The following NDUFAF2 variants were observed in gnomAD, a reference collection of about 807,000 sequenced individuals.
The protein encoded by NDUFAF2 is NADH:ubiquinone oxidoreductase complex assembly factor 2.
NDUFAF2 carries 13 observed loss-of-function variants against 22.8 expected under a neutral mutation model. That is an observed-to-expected ratio of 0.57 (90% confidence interval 0.37 to 0.91). The LOEUF (loss-of-function observed/expected upper bound fraction) is 0.91. Among genes scored for constraint, NDUFAF2 ranks in the 40% least tolerant of loss-of-function variants. The probability of loss-of-function intolerance (pLI) is 0.01; values close to 1 mark genes in which losing one functional copy is unlikely to be tolerated. For synonymous variants in NDUFAF2, 53 were observed against 64.2 expected (o/e 0.83, Z 0.84); for missense variants, 162 against 195.2 (o/e 0.83, Z 1.01).
intron 2 of NDUFAF2, among the ~76,000 whole-genome samples, chr5:61,080,380 T>C (rs1752427405): frequency 6.6e-6 from 1 of 152,248 alleles, no homozygotes; most frequent in South Asian, 2.1e-4. Flanking sequence ...TCAATGTGGC[T>C]GTACCATTTT....
chr5:60,967,766 A>G (rs1750776801), intron 1 of NDUFAF2, among the ~76,000 whole-genome samples: 1 of 150,968 alleles, frequency 6.6e-6, no homozygotes, highest in South Asian at 2.1e-4. Flanking sequence ...GAGAGATTTT[A>G]TATCTATGCT....
At chr5:61,037,677 G>T (rs576904519) in intron 1 of NDUFAF2, among the ~76,000 whole-genome samples, 1 of 152,200 alleles carries the variant, frequency 6.6e-6, no homozygotes, top group Admixed American at 6.5e-5. Flanking sequence ...CTTGGTGAAA[G>T]AACCCATCCC....
intron 1 of NDUFAF2, among the ~76,000 whole-genome samples, chr5:60,977,260 T>C (rs1055143968): frequency 3.3e-5 from 5 of 151,792 alleles, no homozygotes; most frequent in African/African-American, 1.2e-4. Context: ...AGACCCCATC[T>C]CTACAAAAAA....
chr5:60,995,304 A>G (rs1053345221), intron 1 of NDUFAF2, among the ~76,000 whole-genome samples: 3 of 152,114 alleles, frequency 2.0e-5, no homozygotes, highest in Non-Finnish European at 4.4e-5. Context: ...CACTGTTTAG[A>G]CTTACTTTAG....
intron 3 of NDUFAF2, among the ~76,000 whole-genome samples, chr5:61,113,546 T>C (rs1752871966): frequency 6.6e-6 from 1 of 152,074 alleles, no homozygotes; most frequent in Non-Finnish European, 1.5e-5. Context: ...ATAGGGGTGG[T>C]TACCTCTGTG....
intron 2 of NDUFAF2, among the ~76,000 whole-genome samples, chr5:61,082,498 G>A (rs188087973): frequency 6.6e-6 from 1 of 152,154 alleles, no homozygotes; most frequent in East Asian, 1.9e-4. Context: ...CTGAGGTTTG[G>A]ACTTCAACTG....
intron 3 of NDUFAF2, among the ~76,000 whole-genome samples, chr5:61,123,853 G>A (rs973803027): frequency 3.3e-5 from 5 of 152,026 alleles, no homozygotes; most frequent in African/African-American, 1.2e-4. Flanking sequence ...TATTGTATGA[G>A]AATGAATTTT....
intron 1 of NDUFAF2, among the ~76,000 whole-genome samples, chr5:60,966,509 T>C (rs1750760023): frequency 6.6e-6 from 1 of 152,186 alleles, no homozygotes; most frequent in African/African-American, 2.4e-5. Flanking sequence ...TTTAAGTCTT[T>C]AATCTATTTC....
intron 1 of NDUFAF2, among the ~76,000 whole-genome samples, chr5:61,034,942 G>GTGTGTGTGTGTT (rs1751778600): frequency 6.6e-6 from 1 of 151,382 alleles, no homozygotes; most frequent in Non-Finnish European, 1.5e-5. Context: ...GTGTGTGTGT[G>GTGTGTGTGTGTT]TAACAAATAT....
chr5:61,041,817 G>A (rs1241209093), intron 1 of NDUFAF2, among the ~76,000 whole-genome samples: 2 of 152,152 alleles, frequency 1.3e-5, no homozygotes, highest in Non-Finnish European at 2.9e-5. Context: ...TTAGAGGAAA[G>A]TGAAGATTTT....
At chr5:61,070,701 C>T (rs4700407) in intron 1 of NDUFAF2, among the ~76,000 whole-genome samples, 61,092 of 151,530 alleles carry the variant, frequency 0.4, 13,289 homozygotes, top group East Asian at 0.8. Flanking sequence ...TGAAGTTGAT[C>T]GACCTAAGAG....
At chr5:60,976,304 C>CTTTTTTT (rs35600173) in intron 1 of NDUFAF2, among the ~76,000 whole-genome samples, 1 of 148,132 alleles carries the variant, frequency 6.8e-6, no homozygotes. Flanking sequence ...AATGTATGTG[C>CTTTTTTT]TTTTTTTTTT....
At chr5:61,064,490 T>C (rs557595032) in intron 1 of NDUFAF2, among the ~76,000 whole-genome samples, 1 of 152,182 alleles carries the variant, frequency 6.6e-6, no homozygotes, top group Non-Finnish European at 1.5e-5. Context: ...AGGATAGACC[T>C]TGTGTTAGGC....
At chr5:61,137,360 A>G (rs1740980720) in intron 3 of NDUFAF2, among the ~76,000 whole-genome samples, 1 of 152,238 alleles carries the variant, frequency 6.6e-6, no homozygotes, top group Admixed American at 6.5e-5. Context: ...GTTAACAGTG[A>G]ACTATACATA....
chr5:61,098,041 ATTG>A (rs1394929494), intron 2 of NDUFAF2, among the ~76,000 whole-genome samples: 2 of 152,188 alleles, frequency 1.3e-5, no homozygotes, highest in African/African-American at 4.8e-5. Context: ...AGCAGATATT[ATTG>A]ATCTTTTGTT....
intron 1 of NDUFAF2, among the ~76,000 whole-genome samples, chr5:61,052,961 C>G (rs1752044079): frequency 6.6e-6 from 1 of 152,228 alleles, no homozygotes; most frequent in African/African-American, 2.4e-5. Flanking sequence ...TTAGCAGCTC[C>G]ATTTGAAATT....
chr5:61,127,512 A>G (rs1402623655), intron 3 of NDUFAF2, among the ~76,000 whole-genome samples: 1 of 152,190 alleles, frequency 6.6e-6, no homozygotes. Context: ...CAGCATACAA[A>G]CAGAACCAAT....
chr5:61,078,837 C>T (rs1752401673), intron 2 of NDUFAF2, among the ~76,000 whole-genome samples: 1 of 152,118 alleles, frequency 6.6e-6, no homozygotes, highest in Non-Finnish European at 1.5e-5. Flanking sequence ...TTTCAGTGAA[C>T]CTTGTAAGTT....
chr5:61,035,424 G>GTTTTTTTTTTTTTTTTT (rs768889484), intron 1 of NDUFAF2, among the ~76,000 whole-genome samples: 7 of 40,522 alleles, frequency 1.7e-4, no homozygotes, highest in African/African-American at 4.0e-4. Flanking sequence ...CTCTTGCTCT[G>GTTTTTTTTTTTTTTTTT]TTTTTTTTTT....
Sources: allele counts gnomAD v4.1 joint callset (sites outside exome capture counted in the v4.1 genomes callset), GRCh38; gene constraint gnomAD v4.1.1; transcripts MANE v1.5; gene names NCBI Gene and HGNC (gene_info 2026-07-23, HGNC 2026-07-21).